GRM4: variants seen among roughly 807,000 people sequenced by gnomAD.
GRM4 encodes the protein glutamate metabotropic receptor 4, also known as metabotropic glutamate receptor 4.
A neutral mutation model predicts 81.7 loss-of-function variants in GRM4; 28 were observed. That is an observed-to-expected ratio of 0.34 (90% confidence interval 0.25 to 0.47). The LOEUF is 0.47. Ranked by LOEUF, GRM4 falls within the 20% of genes least tolerant of loss-of-function variation. GRM4 has a pLI of 1.00. For missense variants in GRM4, 948 were observed against 1,290.0 expected (o/e 0.73, Z 4.06); for synonymous variants, 488 against 528.8 (o/e 0.92, Z 1.06).
intron 6 of GRM4, among the ~76,000 whole-genome samples, chr6:34,044,199 C>CAT (rs533677306): frequency 2.6e-4 from 36 of 136,244 alleles, no homozygotes; most frequent in Non-Finnish European, 4.6e-4. Context: ...TATACACACA[C>CAT]ATATATATAC....
chr6:34,046,061 G>T (rs781068342), intron 6 of GRM4, among the ~76,000 whole-genome samples: 9 of 152,082 alleles, frequency 5.9e-5, no homozygotes, highest in Non-Finnish European at 1.3e-4. Flanking sequence ...AATAATCAGA[G>T]TCCTTCTCGT....
At chr6:34,087,071 GC>G (rs1273583048) in intron 3 of GRM4, among the ~76,000 whole-genome samples, 2 of 151,628 alleles carry the variant, frequency 1.3e-5, no homozygotes, top group Non-Finnish European at 2.9e-5. Flanking sequence ...GCTCCAATGA[GC>G]TGTGATTGTA....
chr6:34,040,235 G>T lies in GRM4; in HGVS notation c.1449C>A (p.Arg483=). Residue 483 remains arginine (R), a synonymous_variant, in exon 8 of 11, where the codon CGC becomes CGA. Transcript: ENST00000538487. ...TGACCTTGTACTCGGCAGAATCGTT[G>T]CGCAGCTGGTATTGGTAGATGTCAT... ...GRYDIYQYQL[R]NDSAEYKVIG... is the part of the protein sequence containing the mutation. 1 of 1,614,102 alleles carries T rather than the reference G, an allele frequency of 6.2e-7. No homozygotes were observed. The highest frequency in any genetic ancestry group is 1.1e-5 in the South Asian group (1 of 91,088).
At chr6:34,112,233 A>G (rs1334222668) in intron 2 of GRM4, among the ~76,000 whole-genome samples, 1 of 152,196 alleles carries the variant, frequency 6.6e-6, no homozygotes, top group Non-Finnish European at 1.5e-5. Context: ...AAAACACGGA[A>G]TTAAATTAAA....
At chr6:34,044,727 C>G (rs1051703158) in intron 6 of GRM4, among the ~76,000 whole-genome samples, 2 of 140,422 alleles carry the variant, frequency 1.4e-5, no homozygotes, top group South Asian at 4.5e-4. Flanking sequence ...CATACACACA[C>G]AGACATACAT....
chr6:34,119,403 A>G (rs201652986), intron 2 of GRM4, among the ~76,000 whole-genome samples: 4 of 151,316 alleles, frequency 2.6e-5, no homozygotes, highest in Admixed American at 1.3e-4. Flanking sequence ...GAAAGAAAGA[A>G]AGAGAGAGAG....
In GRM4 at chr6:34,092,779, C is replaced by T. The variant is rs372843559; in HGVS notation, c.520-680G>A. Among the ~76,000 whole-genome samples the T allele has an allele frequency of 1.3e-3, 195 of 152,194 alleles. No individual in the cohort carries two copies. Among genetic ancestry groups the T allele is most frequent in the African/African-American group, 3.5e-3 (146 of 41,548 alleles). ...AAGGCAGAGCCGACCCGGGGCCCTG[C>T]CCCAGCCCCGGGGCTTTCCAGTCAC... On this transcript the variant is annotated intron_variant, in intron 2 of 10. Transcript: ENST00000538487. The surrounding 1 kb of genome is among the most constrained non-coding windows in gnomAD (Gnocchi z 6.8).
At chr6:34,084,383 G>T (rs1205548131) in intron 3 of GRM4, among the ~76,000 whole-genome samples, 2 of 152,204 alleles carry the variant, frequency 1.3e-5, no homozygotes, top group African/African-American at 4.8e-5. Context: ...AGAGGGAAGG[G>T]TCAGCAGGCG....
chr6:34,120,713 C>T (rs1452285899), intron 2 of GRM4, among the ~76,000 whole-genome samples: 2 of 152,222 alleles, frequency 1.3e-5, no homozygotes, highest in South Asian at 2.1e-4. Context: ...CCTCCACACA[C>T]GAGCACATCA....
rs73415073 is a variant in GRM4, at chr6:34,130,113, C to A, written c.519+2865G>T. On this transcript the variant is annotated intron_variant, in intron 2 of 10. Coordinates refer to ENST00000538487, the MANE Select transcript of GRM4 (RefSeq NM_000841.4). This position sits in a 1 kb window ranked among gnomAD's most constrained non-coding sequence, Gnocchi z 4.1. Reference sequence around the variant, plus strand: ...CCTCTCCTTCCCGAGGCTCCTGCTCCCGACCTCCCTCCCCAAAGTTCAATC... The same window carrying A: ...CCTCTCCTTCCCGAGGCTCCTGCTCACGACCTCCCTCCCCAAAGTTCAATC... Among the ~76,000 whole-genome samples the A allele has an allele frequency of 0.11, 16,508 of 152,190 alleles. 1,812 individuals are homozygous for A. The highest frequency in any genetic ancestry group is 0.28 in the African/African-American group (11,633 of 41,478).
rs1030705280 is a variant in GRM4 at position 34,125,066 on chromosome 6, C to T, written c.519+7912G>A. The stretch of plus-strand genomic sequence containing the variant: ...TCTGCTCACTGCAAGCTCCGCCTCC[C>T]GGGTTCACGCCATTCTCCTGCCTCA... On this transcript the variant is annotated intron_variant, in intron 2 of 10. Coordinates refer to ENST00000538487, the MANE Select transcript of GRM4 (RefSeq NM_000841.4). 5.9e-5 allele frequency among the ~76,000 whole-genome samples: 9 copies of T among 152,246 alleles called. No homozygotes were observed. In the East Asian group the frequency reaches 1.2e-3, roughly 20 times the overall value.
intron 2 of GRM4, among the ~76,000 whole-genome samples, chr6:34,131,999 A>C (rs909890173): frequency 3.9e-5 from 6 of 152,120 alleles, no homozygotes; most frequent in Non-Finnish European, 8.8e-5. Flanking sequence ...ACACAGAGCA[A>C]ACAAGACAGG....
intron 9 of GRM4, among the ~76,000 whole-genome samples, chr6:34,028,892 G>C (rs1042320283): frequency 6.6e-6 from 1 of 152,094 alleles, no homozygotes; most frequent in African/African-American, 2.4e-5. Context: ...GACTGCCCCC[G>C]CAACGGTCCC....
rs986020225 is a variant in GRM4, at chr6:34,114,771, G to A, written c.519+18207C>T. 6.6e-6 allele frequency among the ~76,000 whole-genome samples: 1 copy of A among 151,968 alleles called. No individual in the cohort carries two copies. The highest frequency in any genetic ancestry group is 6.6e-5 in the Admixed American group (1 of 15,258). On this transcript the variant is annotated intron_variant, in intron 2 of 10. Transcript: ENST00000538487. The surrounding 1 kb of genome is among the most constrained non-coding windows in gnomAD (Gnocchi z 4.3). ...AGACCCTCACCTGTACCCCCTCACA[G>A]CCCTCCCATACCCCAGTTTGAGCTG... is the stretch of plus-strand genomic sequence containing the variant.
chr6:34,087,125 C>CAA (rs377361811), intron 3 of GRM4, among the ~76,000 whole-genome samples: 1 of 120,944 alleles, frequency 8.3e-6, no homozygotes, highest in East Asian at 2.4e-4. Flanking sequence ...ACCCAATCTC[C>CAA]AAAAAAAAAA....
Position 34,059,464 on chromosome 6 carries a change from CA to C in GRM4, c.873-337del. The C allele has an allele frequency of 1.4e-5, 5 of 363,278 alleles. No homozygotes were observed. In the South Asian group the frequency reaches 1.5e-4, roughly 11 times the overall value. The allele number at this position is 363,278 out of a possible 1,614,324, so 22.5% of individuals were successfully genotyped here. On this transcript the variant is annotated intron_variant, in intron 4 of 10. Coordinates refer to ENST00000538487, the MANE Select transcript of GRM4 (RefSeq NM_000841.4). The surrounding 1 kb of genome is among the most constrained non-coding windows in gnomAD (Gnocchi z 5.7). ...CCCGCCCCACGTCTGACTCAGGCCC[CA>C]CAACCACCTCTGCCCAGCCCCGGTC...
Position 34,036,440 on chromosome 6 carries a change from C to T in GRM4, c.1670G>A (p.Cys557Tyr). The T allele has an allele frequency of 6.2e-7, 1 of 1,613,670 alleles. No individual in the cohort carries two copies. The highest frequency in any genetic ancestry group is 8.5e-7 in the Non-Finnish European group (1 of 1,179,854). ...CCGCATGTCATAGGGACACGTCTTA[C>T]AGGTGTAGCGGTCCACCTGGTACTG... ...GYQYQVDRYT[C>Y]KTCPYDMRPT... Residue 557 changes from cysteine (C) to tyrosine (Y), a missense_variant, in exon 9 of 11, where the codon TGT (cysteine) becomes TAT (tyrosine). Physicochemically the swap from Cys to Tyr is radical, Grantham distance 194 (BLOSUM62 -2). Coordinates refer to ENST00000538487, the MANE Select transcript of GRM4 (RefSeq NM_000841.4). This position sits in a 1 kb window ranked among gnomAD's most constrained non-coding sequence, Gnocchi z 9.0.
intron 1 of GRM4, among the ~76,000 whole-genome samples, chr6:34,141,241 G>A (rs1327385326): frequency 6.6e-6 from 1 of 152,170 alleles, no homozygotes; most frequent in African/African-American, 2.4e-5. Flanking sequence ...AGCCCGGGGA[G>A]AGCAGCTGTC....
intron 1 of GRM4, among the ~76,000 whole-genome samples, chr6:34,145,468 G>T (rs1360506299): frequency 3.3e-5 from 5 of 152,256 alleles, no homozygotes; most frequent in African/African-American, 1.2e-4. Flanking sequence ...GGGCTGGGAA[G>T]GGAGCGGAGC....
Sources: gnomAD v4.1 joint callset for allele counts (sites outside exome capture counted in the v4.1 genomes callset) on GRCh38, gnomAD v4.1.1 for gene constraint, Gnocchi (gnomAD v3.1) non-coding constraint, MANE v1.5 for transcripts, NCBI Gene and HGNC (gene_info 2026-07-23, HGNC 2026-07-21) for gene names.